FRMD6: variants seen among roughly 807,000 people sequenced by gnomAD.
FRMD6 encodes FERM domain containing 6, also known as FERM domain-containing protein 6.
In FRMD6, 37 loss-of-function variants were observed where a neutral mutation model predicts 73.2. The ratio of observed to expected loss-of-function variants is 0.51; its 90% CI spans 0.39 to 0.66. FRMD6 has a LOEUF of 0.66. Ranked by LOEUF, FRMD6 falls within the 30% of genes least tolerant of loss-of-function variation. The pLI is 0.00. For synonymous variants in FRMD6, 273 were observed against 282.2 expected (o/e 0.97, Z 0.33); for missense variants, 714 against 780.5 (o/e 0.91, Z 1.02).
chr14:51,696,800 G>A (rs1252030482), intron 2 of FRMD6, among the ~76,000 whole-genome samples: 1 of 150,478 alleles, frequency 6.6e-6, no homozygotes, highest in Non-Finnish European at 1.5e-5. Flanking sequence ...AAAAAGTCTA[G>A]ACCAACTCGT....
intron 1 of FRMD6, among the ~76,000 whole-genome samples, chr14:51,509,506 G>A (rs1036090377): frequency 6.7e-6 from 1 of 150,064 alleles, no homozygotes; most frequent in Non-Finnish European, 1.5e-5. Flanking sequence ...CAGCCTGGGC[G>A]ACAGTGCGAG....
chr14:51,399,967 T>A, the FRMD6 span, among the ~76,000 whole-genome samples: 4 of 151,774 alleles, frequency 2.6e-5, no homozygotes, highest in Non-Finnish European at 1.5e-5. Context: ...ATTCCTTTTT[T>A]AAAAAAAGTT....
the FRMD6 span, among the ~76,000 whole-genome samples, chr14:51,459,602 C>T: frequency 5.0e-3 from 767 of 151,986 alleles, 3 homozygotes; most frequent in African/African-American, 0.017. Context: ...CCGAGGTGGG[C>T]GGATCACGAG....
the FRMD6 span, among the ~76,000 whole-genome samples, chr14:51,443,663 CTT>C: frequency 3.3e-5 from 5 of 152,202 alleles, no homozygotes. Context: ...GTGCCATACT[CTT>C]CTCTCTGAAA....
At chr14:51,602,607 A>G (rs1273084506) in intron 2 of FRMD6, among the ~76,000 whole-genome samples, 1 of 152,196 alleles carries the variant, frequency 6.6e-6, no homozygotes, top group African/African-American at 2.4e-5. Flanking sequence ...CTTTTGTGCT[A>G]TGATGGCATG....
chr14:51,508,925 A>G (rs1884131664), intron 1 of FRMD6, among the ~76,000 whole-genome samples: 1 of 152,064 alleles, frequency 6.6e-6, no homozygotes, highest in African/African-American at 2.4e-5. Flanking sequence ...CCTACCTCAA[A>G]AGCCAATGGA....
chr14:51,525,333 G>A (rs1442030081), intron 1 of FRMD6, among the ~76,000 whole-genome samples: 8 of 151,880 alleles, frequency 5.3e-5, no homozygotes, highest in Non-Finnish European at 1.2e-4. Context: ...CAGTAGCGAG[G>A]TCTCTGCTCA....
intron 6 of FRMD6, among the ~76,000 whole-genome samples, chr14:51,706,155 A>G (rs928953470): frequency 3.3e-5 from 5 of 152,096 alleles, no homozygotes; most frequent in Non-Finnish European, 7.4e-5. Context: ...GTCCTGTCCC[A>G]TCAACTGTAA....
chr14:51,707,288 G>A (rs1042971987), intron 6 of FRMD6, among the ~76,000 whole-genome samples: 3 of 151,974 alleles, frequency 2.0e-5, no homozygotes, highest in Non-Finnish European at 4.4e-5. Flanking sequence ...TCAATATAAA[G>A]ACATTTTAAA....
At chr14:51,410,002 G>A in the FRMD6 span, among the ~76,000 whole-genome samples, 1 of 152,124 alleles carries the variant, frequency 6.6e-6, no homozygotes, top group Non-Finnish European at 1.5e-5. Flanking sequence ...TGTAAATCTT[G>A]GGATGGAAGA....
At chr14:51,467,552 G>A in the FRMD6 span, among the ~76,000 whole-genome samples, 9 of 151,346 alleles carry the variant, frequency 5.9e-5, no homozygotes, top group Admixed American at 3.3e-4. Context: ...CCGGGCAGAG[G>A]CGCCCCCAAC....
At chr14:51,426,720 G>A in the FRMD6 span, among the ~76,000 whole-genome samples, 4 of 152,120 alleles carry the variant, frequency 2.6e-5, no homozygotes, top group South Asian at 2.1e-4. Flanking sequence ...GACCCTTCTC[G>A]TTCTCTTCTC....
At chr14:51,657,145 G>A (rs1457800380) in intron 1 of FRMD6, among the ~76,000 whole-genome samples, 1 of 151,910 alleles carries the variant, frequency 6.6e-6, no homozygotes, top group South Asian at 2.1e-4. Context: ...TCTCTGATTG[G>A]GTTAAATAAA....
At chr14:51,694,364 A>G (rs564688923) in intron 2 of FRMD6, among the ~76,000 whole-genome samples, 10 of 152,308 alleles carry the variant, frequency 6.6e-5, no homozygotes, top group Middle Eastern at 3.4e-3. Flanking sequence ...CAAACCATTA[A>G]CATTTAGGAT....
At chr14:51,400,080 C>T in the FRMD6 span, among the ~76,000 whole-genome samples, 23 of 152,094 alleles carry the variant, frequency 1.5e-4, no homozygotes, top group Admixed American at 1.5e-3. Context: ...CTAATAAACA[C>T]AGTCATCATC....
At chr14:51,570,758 C>T (rs913709200) in intron 2 of FRMD6, among the ~76,000 whole-genome samples, 32 of 152,220 alleles carry the variant, frequency 2.1e-4, no homozygotes, top group Admixed American at 5.2e-4. Flanking sequence ...GAAAATATCT[C>T]TCTGGGTCGA....
chr14:51,615,803 T>G (rs1326337490), intron 2 of FRMD6, among the ~76,000 whole-genome samples: 2 of 152,162 alleles, frequency 1.3e-5, no homozygotes, highest in African/African-American at 4.8e-5. Context: ...ATGTAGCAAC[T>G]GAGTCAAGTT....
At chr14:51,684,571 G>A (rs1895023787) in intron 1 of FRMD6, among the ~76,000 whole-genome samples, 1 of 152,284 alleles carries the variant, frequency 6.6e-6, no homozygotes, top group South Asian at 2.1e-4. Context: ...TGGAGCACTA[G>A]TTCTCAACCA....
At chr14:51,487,122 A>C (rs1882779881), upstream of FRMD6, among the ~76,000 whole-genome samples, 1 of 152,096 alleles carries the variant, frequency 6.6e-6, no homozygotes, top group Non-Finnish European at 1.5e-5. Flanking sequence ...ATGAATGCTC[A>C]AGTTGAAGAC....
Sources: allele counts gnomAD v4.1 joint callset (sites outside exome capture counted in the v4.1 genomes callset), GRCh38; gene constraint gnomAD v4.1.1; transcripts MANE v1.5; gene names NCBI Gene and HGNC (gene_info 2026-07-23, HGNC 2026-07-21).